The following CNBD1 variants were observed in gnomAD, a reference collection of about 807,000 sequenced individuals.
CNBD1 encodes the protein cyclic nucleotide binding domain containing 1.
CNBD1 carries 71 observed loss-of-function variants against 54.4 expected under a neutral mutation model. The observed-to-expected ratio is 1.30, with a 90% confidence interval of 1.08 to 1.59. CNBD1 has a LOEUF of 1.59. Among genes scored for constraint, CNBD1 ranks in the 40% most tolerant of loss-of-function variants. CNBD1 has a pLI of 0.00. For synonymous variants in CNBD1, 182 were observed against 170.7 expected (o/e 1.07, Z -0.51); for missense variants, 659 against 518.0 (o/e 1.27, Z -2.64).
At chr8:87,297,348 T>G (rs2130879116) in intron 8 of CNBD1, among the ~76,000 whole-genome samples, 1 of 152,200 alleles carries the variant, frequency 6.6e-6, no homozygotes, top group East Asian at 1.9e-4. Flanking sequence ...AGCGTATCTC[T>G]ATTTGATCTT....
chr8:87,323,329 C>A (rs919753067), intron 8 of CNBD1, among the ~76,000 whole-genome samples: 4 of 130,314 alleles, frequency 3.1e-5, no homozygotes, highest in African/African-American at 1.2e-4. Context: ...TAGTTTTTTC[C>A]AATTCTGTGA....
chr8:87,422,254 G>C (rs1807953224), intron 2 of CNBD1, among the ~76,000 whole-genome samples: 1 of 145,052 alleles, frequency 6.9e-6, no homozygotes, highest in South Asian at 2.2e-4. Flanking sequence ...AGTTTCTTTT[G>C]CTGTGCAGAA....
intron 6 of CNBD1, among the ~76,000 whole-genome samples, chr8:87,262,209 T>C (rs1470028490): frequency 2.0e-5 from 3 of 152,180 alleles, no homozygotes; most frequent in East Asian, 1.9e-4. Context: ...TTGAACATTA[T>C]GTTTTTATTA....
intron 4 of CNBD1, among the ~76,000 whole-genome samples, chr8:87,017,432 G>A (rs1459264119): frequency 6.6e-6 from 1 of 152,130 alleles, no homozygotes; most frequent in Non-Finnish European, 1.5e-5. Context: ...AACAATGACT[G>A]AGCTAGAGAA....
chr8:86,866,589 T>G lies in CNBD1; in HGVS notation c.88+6T>G. 6.3e-7 allele frequency: 1 copy of G among 1,589,402 alleles called. No individual in the cohort carries two copies. Among genetic ancestry groups the G allele is most frequent in the Non-Finnish European group, 8.6e-7 (1 of 1,161,758 alleles). ...TCCACTTCACAGTATACCAAGTGAG[T>G]GGGAAATACTTTGATGCTCTTATTC... On this transcript the variant is annotated splice_donor_region_variant and intron_variant, in intron 1 of 10. Coordinates refer to ENST00000518476, the MANE Select transcript of CNBD1 (RefSeq NM_173538.3).
intron 4 of CNBD1, among the ~76,000 whole-genome samples, chr8:87,022,150 T>C (rs1809502993): frequency 6.6e-6 from 1 of 152,124 alleles, no homozygotes; most frequent in African/African-American, 2.4e-5. Flanking sequence ...GTGAGTTAAA[T>C]AAAGCAAGTT....
At chr8:87,304,366 C>T (rs1036591244) in intron 8 of CNBD1, among the ~76,000 whole-genome samples, 2 of 152,056 alleles carry the variant, frequency 1.3e-5, no homozygotes, top group Non-Finnish European at 2.9e-5. Context: ...AACCATCATT[C>T]TCAGCAAACT....
intron 4 of CNBD1, among the ~76,000 whole-genome samples, chr8:87,059,242 C>T (rs1333971400): frequency 6.6e-6 from 1 of 152,182 alleles, no homozygotes; most frequent in Non-Finnish European, 1.5e-5. Context: ...TTCCCCACAG[C>T]TTCCTGTCTT....
intron 8 of CNBD1, among the ~76,000 whole-genome samples, chr8:87,334,371 A>G (rs989927427): frequency 5.3e-5 from 8 of 151,574 alleles, no homozygotes; most frequent in African/African-American, 1.9e-4. Context: ...CTGTGTCTCT[A>G]TCTCCTTCAG....
intron 1 of CNBD1, among the ~76,000 whole-genome samples, chr8:86,869,024 G>T (rs975880149): frequency 6.6e-6 from 1 of 152,136 alleles, no homozygotes; most frequent in Non-Finnish European, 1.5e-5. Context: ...AAAAGCCAAG[G>T]AATTCAGGCA....
rs748617412 is a variant in CNBD1 at position 87,206,098 on chromosome 8, T to A, written c.537T>A (p.Ser179Arg). 6.3e-7 allele frequency: 1 copy of A among 1,595,944 alleles called. No homozygotes were observed. Among genetic ancestry groups the A allele is most frequent in the Non-Finnish European group, 8.5e-7 (1 of 1,172,364 alleles). The change falls in exon 5 of 11, where the codon AGT becomes AGA. Residue 179 changes from serine (S) to arginine (R), a missense_variant. Transcript: ENST00000518476. ...QLNDKHLKTL[S>R]KTVFSETWLK... ...ATGATAAGCATCTGAAAACACTTAG[T>A]AAGACTGTCTTTTCCGAAACCTGGT...
intron 4 of CNBD1, among the ~76,000 whole-genome samples, chr8:87,097,692 C>T (rs944062954): frequency 1.3e-5 from 2 of 152,282 alleles, no homozygotes; most frequent in East Asian, 3.9e-4. Context: ...TAATGCAATG[C>T]GTGGTGCCAC....
At chr8:86,935,038 T>C (rs1234472924) in intron 3 of CNBD1, among the ~76,000 whole-genome samples, 1 of 151,658 alleles carries the variant, frequency 6.6e-6, no homozygotes, top group African/African-American at 2.4e-5. Context: ...TATTTATTTA[T>C]TTATTTATTT....
chr8:86,992,874 T>G (rs1490156142), intron 4 of CNBD1, among the ~76,000 whole-genome samples: 1 of 152,198 alleles, frequency 6.6e-6, no homozygotes, highest in Admixed American at 6.5e-5. Flanking sequence ...TCTAGATGCC[T>G]TTAAGATTTT....
chr8:87,426,828 C>T (rs190014584), intron 2 of CNBD1, among the ~76,000 whole-genome samples: 1 of 152,130 alleles, frequency 6.6e-6, no homozygotes, highest in Non-Finnish European at 1.5e-5. Flanking sequence ...CATTGACAGA[C>T]CCAAAAGGTA....
intron 2 of CNBD1, among the ~76,000 whole-genome samples, chr8:87,409,642 G>C (rs1479589682): frequency 6.6e-6 from 1 of 152,268 alleles, no homozygotes; most frequent in East Asian, 1.9e-4. Context: ...AGACTCTCCT[G>C]TTAGGGCCTA....
chr8:86,973,287 C>G (rs1442899605), intron 4 of CNBD1, among the ~76,000 whole-genome samples: 1 of 152,144 alleles, frequency 6.6e-6, no homozygotes, highest in Non-Finnish European at 1.5e-5. Flanking sequence ...GAAGTCTTTT[C>G]TGATACACTA....
At chr8:86,964,073 G>C (rs1022935703) in intron 4 of CNBD1, among the ~76,000 whole-genome samples, 1 of 152,224 alleles carries the variant, frequency 6.6e-6, no homozygotes, top group Non-Finnish European at 1.5e-5. Flanking sequence ...AAAGGCCAAG[G>C]TGGCCACTTC....
At chr8:86,991,931 C>A (rs1808758543) in intron 4 of CNBD1, among the ~76,000 whole-genome samples, 1 of 152,066 alleles carries the variant, frequency 6.6e-6, no homozygotes, top group South Asian at 2.1e-4. Flanking sequence ...TATGACTGAG[C>A]ATGTAGTTGA....
Sources: gnomAD v4.1 joint callset for allele counts (sites outside exome capture counted in the v4.1 genomes callset) on GRCh38, gnomAD v4.1.1 for gene constraint, MANE v1.5 for transcripts, NCBI Gene and HGNC (gene_info 2026-07-23, HGNC 2026-07-21) for gene names.